Variants in TAFA4 observed in about 807,000 individuals in gnomAD.
TAFA4 encodes chemokine-like protein TAFA-4.
Under a neutral mutation model 21.1 loss-of-function variants are expected in TAFA4, and 20 were observed. The observed-to-expected ratio is 0.95, with a 90% CI of 0.67 to 1.38. TAFA4 has a LOEUF of 1.38. TAFA4 is among the 40% of genes most tolerant of loss of function. The pLI is 0.00. For missense variants in TAFA4, 211 were observed against 180.9 expected (o/e 1.17, Z -0.95); for synonymous variants, 71 against 67.4 (o/e 1.05, Z -0.26).
chr3:68,759,043 T>TCA (rs1702712663), intron 3 of TAFA4, among the ~76,000 whole-genome samples: 2 of 152,210 alleles, frequency 1.3e-5, no homozygotes, highest in Non-Finnish European at 2.9e-5. Flanking sequence ...GCCAATGGTG[T>TCA]CATTCCCATC....
At chr3:68,784,338 C>G (rs542781732) in intron 3 of TAFA4, among the ~76,000 whole-genome samples, 2 of 152,172 alleles carry the variant, frequency 1.3e-5, no homozygotes, top group Non-Finnish European at 2.9e-5. Context: ...CAGACCCTCA[C>G]GGTGAGTGTT....
intron 3 of TAFA4, among the ~76,000 whole-genome samples, chr3:68,852,454 A>G (rs886667333): frequency 8.5e-5 from 13 of 152,160 alleles, no homozygotes; most frequent in African/African-American, 2.7e-4. Context: ...CAAATTCCAG[A>G]GAGAAGCATT....
chr3:68,881,410 G>C (rs2089616758), intron 2 of TAFA4, among the ~76,000 whole-genome samples: 1 of 152,284 alleles, frequency 6.6e-6, no homozygotes, highest in East Asian at 1.9e-4. Flanking sequence ...ATGATGGACA[G>C]TATCAAAACA....
At chr3:68,760,525 A>G (rs1395046694) in intron 3 of TAFA4, among the ~76,000 whole-genome samples, 1 of 152,150 alleles carries the variant, frequency 6.6e-6, no homozygotes, top group African/African-American at 2.4e-5. Flanking sequence ...CCTCCTGCCC[A>G]GCACTAGAAA....
intron 4 of TAFA4, among the ~76,000 whole-genome samples, chr3:68,739,565 C>T (rs564623769): frequency 2.6e-5 from 4 of 152,124 alleles, no homozygotes; most frequent in African/African-American, 9.7e-5. Context: ...CAAAAAGACA[C>T]CTGCACTCAT....
At chr3:68,899,513 T>A (rs1036503251) in intron 1 of TAFA4, among the ~76,000 whole-genome samples, 2 of 152,132 alleles carry the variant, frequency 1.3e-5, no homozygotes, top group Non-Finnish European at 2.9e-5. Flanking sequence ...CCATTCCTCC[T>A]ATTCAGGATC....
chr3:68,831,325 C>CT (rs1357330377), intron 3 of TAFA4, among the ~76,000 whole-genome samples: 6 of 77,210 alleles, frequency 7.8e-5, no homozygotes, highest in East Asian at 8.5e-3. Flanking sequence ...GTGGCTGGTA[C>CT]CGTTGTCCCT....
At chr3:68,920,816 A>AT (rs2090053694) in intron 1 of TAFA4, among the ~76,000 whole-genome samples, 1 of 152,014 alleles carries the variant, frequency 6.6e-6, no homozygotes, top group Admixed American at 6.6e-5. Context: ...CACACATGCC[A>AT]TGTTCTACAG....
intron 3 of TAFA4, among the ~76,000 whole-genome samples, chr3:68,846,952 G>A (rs191658417): frequency 3.4e-4 from 52 of 152,244 alleles, no homozygotes; most frequent in Admixed American, 5.2e-4. Context: ...GATGTCTGTC[G>A]ACCCCTGCTG....
intron 1 of TAFA4, among the ~76,000 whole-genome samples, chr3:68,931,739 A>G (rs1216370323): frequency 1.5e-5 from 2 of 129,998 alleles, no homozygotes; most frequent in African/African-American, 5.7e-5. Context: ...GCGCCCTTCA[A>G]GCAAGATCCT....
intron 3 of TAFA4, among the ~76,000 whole-genome samples, chr3:68,829,463 T>A (rs1471419539): frequency 6.6e-6 from 1 of 152,216 alleles, no homozygotes; most frequent in Admixed American, 6.5e-5. Flanking sequence ...GTTTTTGTCA[T>A]CGGTTCTGTT....
At chr3:68,785,573 C>G (rs2106804309) in intron 3 of TAFA4, among the ~76,000 whole-genome samples, 1 of 152,312 alleles carries the variant, frequency 6.6e-6, no homozygotes, top group East Asian at 1.9e-4. Flanking sequence ...CGGGGCCCAC[C>G]AAGCCCACAC....
chr3:68,830,833 G>A (rs945562532), intron 3 of TAFA4, among the ~76,000 whole-genome samples: 1 of 152,158 alleles, frequency 6.6e-6, no homozygotes, highest in Non-Finnish European at 1.5e-5. Flanking sequence ...AAGTCTCTTT[G>A]TAGGTCTCTA....
At chr3:68,858,324 C>A (rs1469888753) in intron 3 of TAFA4, among the ~76,000 whole-genome samples, 1 of 152,162 alleles carries the variant, frequency 6.6e-6, no homozygotes, top group Non-Finnish European at 1.5e-5. Flanking sequence ...TATCCATCAG[C>A]TTACACAACT....
intron 3 of TAFA4, among the ~76,000 whole-genome samples, chr3:68,798,719 T>G (rs899843923): frequency 5.3e-5 from 8 of 152,224 alleles, no homozygotes; most frequent in Non-Finnish European, 8.8e-5. Context: ...TATGATATAT[T>G]CGGAGTTGAG....
chr3:68,928,031 GTGTCT>G (rs2090125857), intron 1 of TAFA4, among the ~76,000 whole-genome samples: 3 of 151,990 alleles, frequency 2.0e-5, no homozygotes. Context: ...TTTCTAAATG[GTGTCT>G]TGTCATTTTA....
chr3:68,753,112 C>A (rs1702589763), intron 3 of TAFA4, 94 bp from the exon 4 acceptor site: 2 of 1,128,622 alleles, frequency 1.8e-6, no homozygotes, highest in African/African-American at 1.5e-5. Flanking sequence ...CATTTTCCAA[C>A]TTCCTGTGCT....
chr3:68,771,417 A>C (rs1377500433), intron 3 of TAFA4, among the ~76,000 whole-genome samples: 1 of 152,176 alleles, frequency 6.6e-6, no homozygotes, highest in African/African-American at 2.4e-5. Context: ...AGTGCTCCCC[A>C]TGGCCTCTGT....
chr3:68,819,083 G>A (rs974408668), intron 3 of TAFA4, among the ~76,000 whole-genome samples: 1 of 152,044 alleles, frequency 6.6e-6, no homozygotes, highest in Admixed American at 6.6e-5. Flanking sequence ...GACCAGCCTG[G>A]GCAACATGGC....
Sources: gnomAD v4.1 joint callset for allele counts (sites outside exome capture counted in the v4.1 genomes callset) on GRCh38, gnomAD v4.1.1 for gene constraint, MANE v1.5 for transcripts, NCBI Gene and HGNC (gene_info 2026-07-23, HGNC 2026-07-21) for gene names.